ABHD5: variants seen among roughly 807,000 people sequenced by gnomAD.
The protein encoded by ABHD5 is 1-acylglycerol-3-phosphate O-acyltransferase ABHD5.
ABHD5 carries 30 observed loss-of-function variants against 44.9 expected under a neutral mutation model. That is an observed-to-expected ratio of 0.67 (90% CI 0.50 to 0.91). ABHD5 has a LOEUF of 0.91. ABHD5 is among the 40% of genes least tolerant of loss of function. The pLI, the probability that ABHD5 is intolerant of heterozygous loss-of-function variation, is 0.00. For missense variants in ABHD5, 399 were observed against 423.4 expected (o/e 0.94, Z 0.50); for synonymous variants, 167 against 147.0 (o/e 1.14, Z -0.99).
In ABHD5 at chr3:43,722,200, T is replaced by C. The variant is rs1201644633; in HGVS notation, c.*3668T>C. On this transcript the variant is annotated 3_prime_UTR_variant, in exon 7 of 7. Transcript: ENST00000644371. ...CAGCCAAATCTCCATTGATAGGGAA[T>C]TGATGGAAGGAACTAGGGTATATCT... The C allele has an allele frequency of 2.6e-5, 4 of 152,180 alleles. No homozygotes were observed. Among genetic ancestry groups the C allele is most frequent in the African/African-American group, 9.7e-5 (4 of 41,436 alleles). The allele number at this position is 152,180 out of a possible 1,614,324, so 9.4% of individuals were successfully genotyped here. A position where few individuals can be genotyped will look rare whatever the true frequency, so the allele number is the denominator to read the frequency against.
chr3:43,695,554 TG>T (rs2084463371), intron 1 of ABHD5, among the ~76,000 whole-genome samples: 1 of 152,228 alleles, frequency 6.6e-6, no homozygotes, highest in Non-Finnish European at 1.5e-5. Flanking sequence ...CAAGAGTGTA[TG>T]GAAACTGGCC....
At chr3:43,700,745 T>TTTTTTTTTTTC (rs2084532008) in intron 2 of ABHD5, among the ~76,000 whole-genome samples, 1 of 152,014 alleles carries the variant, frequency 6.6e-6, no homozygotes, top group Non-Finnish European at 1.5e-5. Context: ...AGCTAATTTT[T>TTTTTTTTTTTC]GTATTTTTAG....
At chr3:43,697,925 T>G (rs2084493252) in intron 1 of ABHD5, among the ~76,000 whole-genome samples, 2 of 152,192 alleles carry the variant, frequency 1.3e-5, no homozygotes, top group African/African-American at 2.4e-5. Context: ...AACTTCAGTT[T>G]TTACATCTAT....
intron 1 of ABHD5, among the ~76,000 whole-genome samples, chr3:43,693,969 A>G (rs543666864): frequency 5.3e-5 from 8 of 152,180 alleles, no homozygotes; most frequent in Non-Finnish European, 1.0e-4. Flanking sequence ...TGTCCAGACC[A>G]TGATCTTATT....
intron 1 of ABHD5, among the ~76,000 whole-genome samples, chr3:43,696,338 T>G (rs1466820143): frequency 6.6e-6 from 1 of 152,238 alleles, no homozygotes; most frequent in Non-Finnish European, 1.5e-5. Context: ...GTTTTATAGG[T>G]GGGCTGTGTG....
At chr3:43,731,066 G>A (rs896031220) in intron 7 of ABHD5, among the ~76,000 whole-genome samples, 17 of 151,916 alleles carry the variant, frequency 1.1e-4, no homozygotes, top group African/African-American at 4.1e-4. Flanking sequence ...CTGACCTCGT[G>A]ATCCACCTGC....
At chr3:43,708,383 A>C (rs191553720) in intron 3 of ABHD5, among the ~76,000 whole-genome samples, 15 of 152,354 alleles carry the variant, frequency 9.8e-5, no homozygotes, top group Non-Finnish European at 1.5e-5. Context: ...TTAGATGTAC[A>C]TTAAAACCCA....
intron 2 of ABHD5, among the ~76,000 whole-genome samples, chr3:43,700,089 A>G (rs1294324348): frequency 6.6e-6 from 1 of 152,190 alleles, no homozygotes; most frequent in Non-Finnish European, 1.5e-5. Context: ...AACTTGGTCT[A>G]GGCCCAGATC....
downstream of ABHD5, among the ~76,000 whole-genome samples, chr3:43,726,934 G>A (rs1485293841): frequency 6.6e-6 from 1 of 152,176 alleles, no homozygotes; most frequent in Non-Finnish European, 1.5e-5. Flanking sequence ...TTTGGTTGGA[G>A]TTTAACTACA....
At chr3:43,704,574 A>C (rs1217152700) in intron 3 of ABHD5, among the ~76,000 whole-genome samples, 2 of 152,160 alleles carry the variant, frequency 1.3e-5, no homozygotes, top group Non-Finnish European at 2.9e-5. Context: ...TTAAACCCTA[A>C]GTCTTAGAAT....
At chr3:43,705,186 TTTCTC>T (rs2084600280) in intron 3 of ABHD5, among the ~76,000 whole-genome samples, 1 of 152,230 alleles carries the variant, frequency 6.6e-6, no homozygotes, top group African/African-American at 2.4e-5. Flanking sequence ...TTTATGTTCT[TTTCTC>T]TGTTCTTCTC....
At chr3:43,690,903 G>A (rs1299153040), upstream of ABHD5, 38 of 1,400,102 alleles carry the variant, frequency 2.7e-5, 2 homozygotes, top group South Asian at 3.9e-4. Flanking sequence ...GGCGGCCTGC[G>A]CCGCCTTAAG....
At chr3:43,704,048 T>C (rs1435261906) in intron 3 of ABHD5, among the ~76,000 whole-genome samples, 1 of 141,854 alleles carries the variant, frequency 7.0e-6, no homozygotes, top group East Asian at 2.0e-4. Context: ...TTTTTTTTTT[T>C]TTTTTTTGAG....
downstream of ABHD5, among the ~76,000 whole-genome samples, chr3:43,725,851 T>TTG (rs1553617804): frequency 2.0e-5 from 3 of 151,556 alleles, no homozygotes; most frequent in Admixed American, 1.3e-4. Context: ...TTTCCTAGTT[T>TTG]TTTTTTTTGT....
chr3:43,724,071 G>A (rs1314064538), downstream of ABHD5, among the ~76,000 whole-genome samples: 3 of 152,038 alleles, frequency 2.0e-5, no homozygotes, highest in African/African-American at 7.2e-5. Flanking sequence ...GTTGAAGCTG[G>A]GTGACAGACA....
intron 5 of ABHD5, among the ~76,000 whole-genome samples, 165 bp downstream of exon 5, chr3:43,715,223 C>T (rs2084749040): frequency 6.6e-6 from 1 of 151,992 alleles, no homozygotes; most frequent in Non-Finnish European, 1.5e-5. Context: ...GGCAATGGTG[C>T]GATCTTGGCT....
chr3:43,733,620 A>T (rs1431377476), intron 7 of ABHD5, among the ~76,000 whole-genome samples: 1 of 152,234 alleles, frequency 6.6e-6, no homozygotes, highest in Non-Finnish European at 1.5e-5. Context: ...TTGTTGTCAT[A>T]GTCCTGCCAT....
Position 43,714,972 on chromosome 3 carries a change from G to A in ABHD5, c.687G>A (p.Arg229=), listed in dbSNP as rs1038881671. 5 of 1,613,098 alleles carry A rather than the reference G, an allele frequency of 3.1e-6. No individual in the cohort carries two copies. In the African/African-American group the frequency reaches 4.0e-5, roughly 13 times the overall value. The change falls in exon 5 of 7, where the codon AGG becomes AGA. Residue 229 remains arginine (R), a synonymous_variant. Transcript: ENST00000644371. ...GTTTAAGTCTAGTGCAGCGTTTAAGGCCTGATTTCAAACGAAAGTATTCTT... is the reference window on the plus strand; with the variant it reads ...GTTTAAGTCTAGTGCAGCGTTTAAGACCTGATTTCAAACGAAAGTATTCTT... ...PFGLSLVQRL[R]PDFKRKYSSM...
intron 3 of ABHD5, among the ~76,000 whole-genome samples, chr3:43,709,384 T>G (rs1295516647): frequency 6.6e-6 from 1 of 152,234 alleles, no homozygotes; most frequent in East Asian, 1.9e-4. Context: ...GATGAAATTT[T>G]GAAGATCATA....
Sources: gnomAD v4.1 joint callset for allele counts (sites outside exome capture counted in the v4.1 genomes callset) on GRCh38, gnomAD v4.1.1 for gene constraint, MANE v1.5 for transcripts, NCBI Gene and HGNC (gene_info 2026-07-23, HGNC 2026-07-21) for gene names.